PHACTR2: variants seen among roughly 807,000 people sequenced by gnomAD.
PHACTR2 encodes chromosome 6 open reading frame 56.
In PHACTR2, 30 loss-of-function variants were observed where a neutral mutation model predicts 76.0. The ratio of observed to expected loss-of-function variants is 0.39; its 90% CI spans 0.30 to 0.54. The LOEUF is 0.54. Ranked by LOEUF, PHACTR2 falls within the 20% of genes least tolerant of loss-of-function variation. PHACTR2 has a pLI of 0.61. For missense variants in PHACTR2, 696 were observed against 781.1 expected (o/e 0.89, Z 1.30); for synonymous variants, 292 against 292.5 (o/e 1.00, Z 0.02).
intron 1 of PHACTR2, among the ~76,000 whole-genome samples, chr6:143,588,545 TGTCA>T (rs1775653106): frequency 6.6e-6 from 1 of 152,124 alleles, no homozygotes; most frequent in Admixed American, 6.5e-5. Context: ...ATGTCCCAAA[TGTCA>T]GTCCTCAGAG....
At position 143,787,682 on chromosome 6, in the gene PHACTR2, A is replaced by G. The variant is rs990227021; in HGVS notation, c.1708-1091A>G. On this transcript the variant is annotated intron_variant, in intron 10 of 12. Transcript: ENST00000440869. This position sits in a 1 kb window ranked among gnomAD's most constrained non-coding sequence, Gnocchi z 4.6. ...AACCCCAGCACTTTGGGAGGCTGAG[A>G]TGGGAGAATCGCTTGAGCCCAAGAG... is the stretch of plus-strand genomic sequence containing the variant. 2.0e-5 allele frequency among the ~76,000 whole-genome samples: 3 copies of G among 152,110 alleles called. No homozygotes were observed. The highest frequency in any genetic ancestry group is 2.1e-4 in the South Asian group (1 of 4,820).
chr6:143,814,072 G>C (rs1476808882), intron 12 of PHACTR2, among the ~76,000 whole-genome samples: 1 of 152,132 alleles, frequency 6.6e-6, no homozygotes, highest in African/African-American at 2.4e-5. Context: ...AAATCATAAG[G>C]AGGCCAGGCA....
intron 2 of PHACTR2, among the ~76,000 whole-genome samples, chr6:143,728,511 A>G (rs1399012195): frequency 6.6e-6 from 1 of 152,186 alleles, no homozygotes; most frequent in African/African-American, 2.4e-5. Context: ...GAACTAAAAA[A>G]GAGCCCAAAC....
In PHACTR2 at chr6:143,686,593, T is replaced by C. The variant is rs539830993; in HGVS notation, c.46+8384T>C. ...ACCTCCACCTTCTGGTTTCAAGTGA[T>C]TCTCCTGCCTCAGCCTCCCAGGTAG... On this transcript the variant is annotated intron_variant, in intron 1 of 12. Coordinates refer to ENST00000440869, the MANE Select transcript of PHACTR2 (RefSeq NM_001100164.2). Among the ~76,000 whole-genome samples, 18 of 149,794 alleles carry C rather than the reference T, an allele frequency of 1.2e-4. No homozygotes were observed. In the South Asian group the frequency reaches 2.6e-3, roughly 22 times the overall value.
intron 1 of PHACTR2, among the ~76,000 whole-genome samples, chr6:143,699,966 C>T (rs1777866448): frequency 3.9e-5 from 6 of 152,144 alleles, no homozygotes; most frequent in Admixed American, 3.9e-4. Context: ...TACATGCCTG[C>T]AGGTTTCATG....
At chr6:143,752,847 G>A (rs553747380) in intron 3 of PHACTR2, among the ~76,000 whole-genome samples, 6 of 152,186 alleles carry the variant, frequency 3.9e-5, no homozygotes, top group African/African-American at 1.4e-4. Context: ...TACAATGCTA[G>A]CAAAGCCTCT....
intron 1 of PHACTR2, among the ~76,000 whole-genome samples, chr6:143,587,240 G>A (rs1582685953): frequency 6.6e-6 from 1 of 152,096 alleles, no homozygotes; most frequent in Admixed American, 6.5e-5. Context: ...AATCTATTTC[G>A]GAAAAATTAG....
Position 143,583,546 on chromosome 6 carries a change from A to G in PHACTR2, c.217+46339A>G, listed in dbSNP as rs188066535. On this transcript the variant is annotated intron_variant, in intron 1 of 11. Coordinates refer to the PHACTR2 transcript ENST00000367584. The surrounding 1 kb of genome is among the most constrained non-coding windows in gnomAD (Gnocchi z 4.0). ...ACAAATACTGTTGAATGGTGCAGCA[A>G]CAGAGCTGTACAACACCTTTGTCTT... Among the ~76,000 whole-genome samples the G allele has an allele frequency of 5.2e-5, 8 of 152,402 alleles. No individual in the cohort carries two copies. The highest frequency in any genetic ancestry group is 3.3e-4 in the Admixed American group (5 of 15,314).
At position 143,712,161 on chromosome 6, in the gene PHACTR2, C is replaced by A. The variant is rs1778192792; in HGVS notation, c.192C>A (p.Asp64Glu). 5.2e-6 allele frequency: 8 copies of A among 1,541,828 alleles called. No homozygotes were observed. Among genetic ancestry groups the A allele is most frequent in the Non-Finnish European group, 6.1e-6 (7 of 1,149,180 alleles). ...AATGGAGGAAAAAGAAGACCAGCGA[C>A]AAATTTAGAGAAACCTCGGCAGGTA... ...PWKWRKKKTSDKFRETSAVLE... is the reference protein window; with the variant it reads ...PWKWRKKKTSEKFRETSAVLE... The change falls in exon 2 of 13, where the codon GAC becomes GAA. Residue 64 changes from aspartate (D) to glutamate (E), a missense_variant. Asp to Glu is a conservative substitution (Grantham distance 45). Coordinates refer to ENST00000440869, the MANE Select transcript of PHACTR2 (RefSeq NM_001100164.2).
At chr6:143,620,871 G>C (rs1038835305) in intron 1 of PHACTR2, among the ~76,000 whole-genome samples, 3 of 152,216 alleles carry the variant, frequency 2.0e-5, no homozygotes, top group Non-Finnish European at 4.4e-5. Flanking sequence ...CTGGAGGACA[G>C]GCTTTGGTCA....
chr6:143,743,766 A>G lies in PHACTR2; in HGVS notation c.215-5219A>G, dbSNP rs1309169245. Reference sequence around the variant, plus strand: ...ATTCAGTACTCAGAACTGAGAAGATAGCATGGCACGCTTATTTAATAGTCT... The same window carrying G: ...ATTCAGTACTCAGAACTGAGAAGATGGCATGGCACGCTTATTTAATAGTCT... On this transcript the variant is annotated intron_variant, in intron 2 of 12. Transcript: ENST00000440869. The surrounding 1 kb of genome is among the most constrained non-coding windows in gnomAD (Gnocchi z 5.0). 6.6e-6 allele frequency among the ~76,000 whole-genome samples: 1 copy of G among 152,234 alleles called. No homozygotes were observed. The highest frequency in any genetic ancestry group is 1.5e-5 in the Non-Finnish European group (1 of 68,042).
intron 3 of PHACTR2, among the ~76,000 whole-genome samples, chr6:143,749,734 G>A (rs1238448415): frequency 6.6e-6 from 1 of 152,010 alleles, no homozygotes; most frequent in Non-Finnish European, 1.5e-5. Flanking sequence ...GAAAAGACAA[G>A]GATCAGATAG....
At chr6:143,686,772 A>G (rs1445137400) in intron 1 of PHACTR2, among the ~76,000 whole-genome samples, 2 of 152,150 alleles carry the variant, frequency 1.3e-5, no homozygotes, top group African/African-American at 2.4e-5. Context: ...GGTGTGAGCC[A>G]CTGCGCCCAC....
In PHACTR2 at chr6:143,743,487, T is replaced by C. The variant is rs995867784; in HGVS notation, c.215-5498T>C. Reference sequence around the variant, plus strand: ...TTTAGGTGGGGATGTTGGCTTTGTATCTCTGCTGTACATTCTTGGGATGTT... The same window carrying C: ...TTTAGGTGGGGATGTTGGCTTTGTACCTCTGCTGTACATTCTTGGGATGTT... On this transcript the variant is annotated intron_variant, in intron 2 of 12. Transcript: ENST00000440869. This position sits in a 1 kb window ranked among gnomAD's most constrained non-coding sequence, Gnocchi z 5.0. Among the ~76,000 whole-genome samples the C allele has an allele frequency of 2.0e-5, 3 of 152,198 alleles. No homozygotes were observed. The highest frequency in any genetic ancestry group is 4.4e-5 in the Non-Finnish European group (3 of 68,034).
Position 143,823,633 on chromosome 6 carries a change from C to G in PHACTR2, c.1923-41C>G, listed in dbSNP as rs1776473104. 3 of 1,579,690 alleles carry G rather than the reference C, an allele frequency of 1.9e-6. No individual in the cohort carries two copies. The South Asian group carries it at 3.3e-5, about 18-fold the overall frequency. ...TTCAGCTCACTGCATGCAGAATGTG[C>G]TCCTAGGCCACAGGCTTATAGTTTC... is the stretch of plus-strand genomic sequence containing the variant. On this transcript the variant is annotated intron_variant, in intron 12 of 12. Coordinates refer to ENST00000440869, the MANE Select transcript of PHACTR2 (RefSeq NM_001100164.2). This position sits in a 1 kb window ranked among gnomAD's most constrained non-coding sequence, Gnocchi z 5.7.
At chr6:143,661,232 G>A (rs942866876) in intron 1 of PHACTR2, among the ~76,000 whole-genome samples, 2 of 152,168 alleles carry the variant, frequency 1.3e-5, no homozygotes, top group Admixed American at 6.5e-5. Context: ...GCATATTAAT[G>A]TTGACTGTTT....
Position 143,547,894 on chromosome 6 carries a change from A to G in PHACTR2, c.217+10687A>G, listed in dbSNP as rs1389835262. 2.0e-5 allele frequency among the ~76,000 whole-genome samples: 3 copies of G among 152,078 alleles called. No individual in the cohort carries two copies. Among genetic ancestry groups the G allele is most frequent in the East Asian group, 3.9e-4 (2 of 5,188 alleles). Reference sequence around the variant, plus strand: ...TATGTATGTATGTACGTATGTATCTATCTATCTATCTATCATCTATCTATC... The same window carrying G: ...TATGTATGTATGTACGTATGTATCTGTCTATCTATCTATCATCTATCTATC... On this transcript the variant is annotated intron_variant, in intron 1 of 11. Coordinates refer to the PHACTR2 transcript ENST00000367584. This position sits in a 1 kb window ranked among gnomAD's most constrained non-coding sequence, Gnocchi z 4.2.
intron 1 of PHACTR2, among the ~76,000 whole-genome samples, chr6:143,559,048 T>C (rs1775222795): frequency 6.6e-6 from 1 of 152,214 alleles, no homozygotes. Flanking sequence ...CTTTGACTTC[T>C]GCTACCCATG....
chr6:143,777,840 T>C lies in PHACTR2; in HGVS notation c.1645+457T>C, dbSNP rs1430073558. Among the ~76,000 whole-genome samples the C allele has an allele frequency of 1.3e-5, 2 of 152,242 alleles. No individual in the cohort carries two copies. Among genetic ancestry groups the C allele is most frequent in the African/African-American group, 4.8e-5 (2 of 41,464 alleles). On this transcript the variant is annotated intron_variant, in intron 9 of 12. Coordinates refer to ENST00000440869, the MANE Select transcript of PHACTR2 (RefSeq NM_001100164.2). The surrounding 1 kb of genome is among the most constrained non-coding windows in gnomAD (Gnocchi z 4.6). ...AATTCAAAACAAAATTTTCAATCCA[T>C]TGCATTTTCCTATGTTATGATAACT...
Sources: allele counts gnomAD v4.1 joint callset (sites outside exome capture counted in the v4.1 genomes callset), GRCh38; gene constraint gnomAD v4.1.1; non-coding constraint Gnocchi (gnomAD v3.1); transcripts MANE v1.5; gene names NCBI Gene and HGNC (gene_info 2026-07-23, HGNC 2026-07-21).